UBR3: variants seen among roughly 807,000 people sequenced by gnomAD.
The protein encoded by UBR3 is E3 ubiquitin-protein ligase UBR3.
Under a neutral mutation model 243.2 loss-of-function variants are expected in UBR3, and 85 were observed. The observed-to-expected ratio is 0.35, with a 90% confidence interval of 0.29 to 0.42. UBR3 has a LOEUF of 0.42. UBR3 is among the 10% of genes least tolerant of loss of function. UBR3 has a pLI of 1.00. For synonymous variants in UBR3, 748 were observed against 799.8 expected (o/e 0.94, Z 1.09); for missense variants, 1,686 against 2,300.8 (o/e 0.73, Z 5.47).
intron 5 of UBR3, among the ~76,000 whole-genome samples, chr2:169,884,750 T>C (rs2084025445): frequency 6.6e-6 from 1 of 151,308 alleles, no homozygotes; most frequent in Non-Finnish European, 1.5e-5. Context: ...CGCGATTTAT[T>C]TGGAAAGAAA....
At chr2:169,871,621 A>G (rs1409304652) in intron 1 of UBR3, among the ~76,000 whole-genome samples, 3 of 151,190 alleles carry the variant, frequency 2.0e-5, no homozygotes, top group African/African-American at 7.3e-5. Flanking sequence ...GGTGGTGCAC[A>G]CCTGTAGTCC....
At chr2:170,010,624 A>G (rs532197459) in intron 29 of UBR3, among the ~76,000 whole-genome samples, 20 of 152,264 alleles carry the variant, frequency 1.3e-4, no homozygotes, top group African/African-American at 4.8e-4. Context: ...TGGTTTCTCT[A>G]TTTTTTAGAG....
chr2:169,980,442 AT>A (rs2088667205), intron 24 of UBR3, among the ~76,000 whole-genome samples: 1 of 152,158 alleles, frequency 6.6e-6, no homozygotes, highest in Non-Finnish European at 1.5e-5. Context: ...AGAAACTGGA[AT>A]GGGGAGTTAT....
chr2:169,926,083 T>C (rs2085899061), intron 14 of UBR3, among the ~76,000 whole-genome samples: 1 of 152,230 alleles, frequency 6.6e-6, no homozygotes, highest in Non-Finnish European at 1.5e-5. Context: ...TGTATCTGGC[T>C]CTGCGGTACC....
intron 19 of UBR3, among the ~76,000 whole-genome samples, chr2:169,940,773 C>T (rs912890368): frequency 2.6e-5 from 4 of 152,186 alleles, no homozygotes; most frequent in African/African-American, 9.7e-5. Flanking sequence ...GTTGTCCCCT[C>T]TTATCTGTGG....
intron 29 of UBR3, among the ~76,000 whole-genome samples, chr2:170,011,894 A>G (rs1369092423): frequency 2.6e-5 from 4 of 152,120 alleles, no homozygotes; most frequent in African/African-American, 4.8e-5. Context: ...TTTCAATACC[A>G]ATCATTATTT....
chr2:169,831,045 T>A (rs1337298626), intron 1 of UBR3, among the ~76,000 whole-genome samples: 1 of 149,320 alleles, frequency 6.7e-6, no homozygotes, highest in African/African-American at 2.5e-5. Flanking sequence ...TATTTGCTTT[T>A]ACTGGTGTCT....
At chr2:169,846,285 T>G (rs1171414230) in intron 1 of UBR3, among the ~76,000 whole-genome samples, 1 of 152,234 alleles carries the variant, frequency 6.6e-6, no homozygotes, top group East Asian at 1.9e-4. Context: ...TGAGTTAACT[T>G]CTTTATCATT....
At chr2:169,868,453 T>C (rs1176103508) in intron 1 of UBR3, among the ~76,000 whole-genome samples, 1 of 152,202 alleles carries the variant, frequency 6.6e-6, no homozygotes, top group African/African-American at 2.4e-5. Flanking sequence ...AAGTGATTCT[T>C]GTGCACACCA....
intron 24 of UBR3, among the ~76,000 whole-genome samples, chr2:169,961,293 G>A (rs1222584512): frequency 2.6e-5 from 4 of 151,394 alleles, no homozygotes; most frequent in Admixed American, 2.0e-4. Context: ...ACATATTAAC[G>A]TCATCTTTTT....
At chr2:170,065,182 T>C (rs1200053631) in intron 35 of UBR3, among the ~76,000 whole-genome samples, 1 of 152,198 alleles carries the variant, frequency 6.6e-6, no homozygotes, top group Non-Finnish European at 1.5e-5. Flanking sequence ...TCTGTCAAGT[T>C]ACTTCCCAAA....
At chr2:170,042,646 G>A (rs930574052) in intron 32 of UBR3, among the ~76,000 whole-genome samples, 13 of 127,542 alleles carry the variant, frequency 1.0e-4, no homozygotes, top group Non-Finnish European at 1.9e-4. Context: ...CTGAGATTGC[G>A]CCACTGCACT....
At chr2:169,996,741 A>G (rs1269956988) in intron 26 of UBR3, among the ~76,000 whole-genome samples, 1 of 132,414 alleles carries the variant, frequency 7.6e-6, no homozygotes, top group Admixed American at 8.5e-5. Context: ...TCGCCAGGCT[A>G]GAGTGCAGTG....
At chr2:170,081,280 C>T (rs2091900670) in intron 38 of UBR3, among the ~76,000 whole-genome samples, 1 of 152,120 alleles carries the variant, frequency 6.6e-6, no homozygotes. Flanking sequence ...GGGTGGATCA[C>T]TTGAGGTCAG....
chr2:169,920,277 G>A (rs563023432), intron 11 of UBR3, among the ~76,000 whole-genome samples: 29 of 152,150 alleles, frequency 1.9e-4, no homozygotes, highest in African/African-American at 7.0e-4. Flanking sequence ...GAGAACACAC[G>A]GACACAGGAA....
chr2:169,856,771 A>T (rs1207916305), intron 1 of UBR3, among the ~76,000 whole-genome samples: 1 of 145,362 alleles, frequency 6.9e-6, no homozygotes, highest in Non-Finnish European at 1.5e-5. Context: ...CAATGAGCCA[A>T]GATGGCGGCA....
intron 18 of UBR3, among the ~76,000 whole-genome samples, chr2:169,929,911 T>C (rs2086054904): frequency 6.6e-6 from 1 of 152,194 alleles, no homozygotes; most frequent in South Asian, 2.1e-4. Flanking sequence ...CTGTGTGTGT[T>C]TGGCAAAGCA....
chr2:169,981,065 T>C (rs1423875046), intron 24 of UBR3, among the ~76,000 whole-genome samples: 1 of 152,056 alleles, frequency 6.6e-6, no homozygotes, highest in Non-Finnish European at 1.5e-5. Context: ...TAATGCATTA[T>C]AACCCTGAGT....
At chr2:169,922,277 C>A (rs1185059574) in intron 11 of UBR3, among the ~76,000 whole-genome samples, 16 of 147,612 alleles carry the variant, frequency 1.1e-4, no homozygotes, top group African/African-American at 4.0e-4. Flanking sequence ...CAGAGTGAGA[C>A]CCTGTCTATT....
Sources: allele counts gnomAD v4.1 joint callset (sites outside exome capture counted in the v4.1 genomes callset), GRCh38; gene constraint gnomAD v4.1.1; transcripts MANE v1.5; gene names NCBI Gene and HGNC (gene_info 2026-07-23, HGNC 2026-07-21).